RHOH: variants seen among roughly 807,000 people sequenced by gnomAD.
The protein encoded by RHOH is rho-related GTP-binding protein RhoH.
Under a neutral mutation model 13.8 loss-of-function variants are expected in RHOH, and 6 were observed. That is an observed-to-expected ratio of 0.44 (90% CI 0.24 to 0.86). The LOEUF (loss-of-function observed/expected upper bound fraction) is 0.86, where lower values mean the gene tolerates loss of function less well. Among genes scored for constraint, RHOH ranks in the 40% least tolerant of loss-of-function variants. RHOH has a pLI of 0.24. For missense variants in RHOH, 147 were observed against 244.5 expected, an observed-to-expected ratio of 0.60 and a Z score of 2.66; for synonymous variants, 117 against 103.0, an observed-to-expected ratio of 1.14 and a Z score of -0.82.
rs1728009410 is a variant in RHOH at position 40,232,046 on chromosome 4, G to A, written c.-330-10668G>A. On this transcript the variant is annotated intron_variant, in intron 1 of 2. Transcript: ENST00000381799. ...CAGGTAGCACCTTTTTCCCTTTGTT[G>A]GCACTTTATTTGTTCCTCCCTCAGA... 2.0e-5 allele frequency among the ~76,000 whole-genome samples: 3 copies of A among 152,136 alleles called. 1 individual carries two copies. The highest frequency in any genetic ancestry group is 7.2e-5 in the African/African-American group (3 of 41,408).
intron 1 of RHOH, among the ~76,000 whole-genome samples, chr4:40,219,949 T>G (rs1040160278): frequency 1.2e-4 from 19 of 152,342 alleles, no homozygotes; most frequent in Middle Eastern, 3.4e-3. Flanking sequence ...TATGTAATAA[T>G]GTAATAGCTT....
chr4:40,219,934 G>C (rs1726344083), intron 1 of RHOH, among the ~76,000 whole-genome samples: 2 of 152,204 alleles, frequency 1.3e-5, no homozygotes, highest in South Asian at 4.1e-4. Context: ...TACAGCATGT[G>C]AATTTATGTA....
At chr4:40,230,538 A>G (rs941740981) in intron 1 of RHOH, among the ~76,000 whole-genome samples, 3 of 149,038 alleles carry the variant, frequency 2.0e-5, no homozygotes, top group African/African-American at 4.9e-5. Context: ...GGGTTTCGCC[A>G]TGTTGCGGCT....
At chr4:40,241,615 C>T (rs928376515) in intron 1 of RHOH, among the ~76,000 whole-genome samples, 2 of 152,096 alleles carry the variant, frequency 1.3e-5, no homozygotes, top group Admixed American at 6.6e-5. Flanking sequence ...GGCAGCCGGA[C>T]GCGGTGGCTC....
At chr4:40,219,773 A>G (rs1405983456) in intron 1 of RHOH, among the ~76,000 whole-genome samples, 1 of 152,212 alleles carries the variant, frequency 6.6e-6, no homozygotes, top group Non-Finnish European at 1.5e-5. Context: ...CCAGGGCAGG[A>G]AAGCTTGCAG....
intron 1 of RHOH, among the ~76,000 whole-genome samples, chr4:40,214,742 C>T (rs1027933111): frequency 2.6e-5 from 4 of 152,194 alleles, no homozygotes; most frequent in African/African-American, 9.6e-5. Flanking sequence ...GGCTAATGGA[C>T]TTCCCCAGTT....
chr4:40,220,678 C>T (rs577321787), intron 1 of RHOH, among the ~76,000 whole-genome samples: 1 of 152,222 alleles, frequency 6.6e-6, no homozygotes, highest in East Asian at 1.9e-4. Flanking sequence ...TATCTTCTGC[C>T]CCATTAGGCT....
At chr4:40,199,492 T>C (rs1723681458) in intron 1 of RHOH, among the ~76,000 whole-genome samples, 1 of 152,308 alleles carries the variant, frequency 6.6e-6, no homozygotes, top group East Asian at 1.9e-4. Context: ...GAAAACAAAC[T>C]TGGAAACCGC....
intron 1 of RHOH, among the ~76,000 whole-genome samples, chr4:40,200,790 C>CA (rs768348681): frequency 6.6e-6 from 1 of 152,188 alleles, no homozygotes; most frequent in Non-Finnish European, 1.5e-5. Flanking sequence ...GTGTTGTATA[C>CA]ATGTAGAAGC....
chr4:40,195,818 T>A (rs569605171), upstream of RHOH, among the ~76,000 whole-genome samples: 1 of 152,332 alleles, frequency 6.6e-6, no homozygotes, highest in Non-Finnish European at 1.5e-5. Context: ...GCTGGCAGAT[T>A]GAGTTCTTAC....
In RHOH at chr4:40,219,355, T is replaced by C. The variant is rs1245740051; in HGVS notation, c.-331+22055T>C. Among the ~76,000 whole-genome samples, 6 of 144,092 alleles carry C rather than the reference T, an allele frequency of 4.2e-5. No homozygotes were observed. In the East Asian group the frequency reaches 8.1e-4, roughly 20 times the overall value. 94.5% of individuals were successfully genotyped at this position (144,092 alleles called of 152,430 possible). A position where few individuals can be genotyped will look rare whatever the true frequency, so the allele number is the denominator to read the frequency against. The stretch of plus-strand genomic sequence containing the variant: ...TGAACCCAGGAGGCGGAGGTTGCAG[T>C]GAGCCGAGATCGCACCACTGCACTC... On this transcript the variant is annotated intron_variant, in intron 1 of 2. Coordinates refer to ENST00000381799, the MANE Select transcript of RHOH (RefSeq NM_004310.5).
At position 40,246,669 on chromosome 4, in the gene RHOH, A is replaced by G. The variant is rs1433883175; in HGVS notation, c.*2707A>G. The G allele has an allele frequency of 1.3e-5, 2 of 152,292 alleles. No individual in the cohort carries two copies. The highest frequency in any genetic ancestry group is 2.9e-5 in the Non-Finnish European group (2 of 68,116). 9.4% of individuals were successfully genotyped at this position (152,292 alleles called of 1,614,324 possible). A position where few individuals can be genotyped will look rare whatever the true frequency, so the allele number is the denominator to read the frequency against. ...AGGCAATGGAGGTAAAGTTGTGTTA[A>G]ACTGAAATGGAGAGAAAGACAGTAA... On this transcript the variant is annotated 3_prime_UTR_variant, in exon 3 of 3. Transcript: ENST00000381799.
intron 1 of RHOH, among the ~76,000 whole-genome samples, chr4:40,207,247 C>T (rs1462854034): frequency 6.6e-6 from 1 of 151,468 alleles, no homozygotes. Flanking sequence ...TTTTCCTCCA[C>T]GATGTGCAAA....
At chr4:40,223,625 T>C (rs189134540) in intron 1 of RHOH, among the ~76,000 whole-genome samples, 36 of 151,882 alleles carry the variant, frequency 2.4e-4, no homozygotes, top group African/African-American at 8.7e-4. Flanking sequence ...TTACCATACC[T>C]GGCTAATTAA....
chr4:40,222,769 G>A (rs1009057862), intron 1 of RHOH, among the ~76,000 whole-genome samples: 4 of 152,218 alleles, frequency 2.6e-5, no homozygotes, highest in Admixed American at 1.3e-4. Context: ...AATACATTTT[G>A]TAAGGCTATA....
At chr4:40,231,803 G>A (rs1727979687) in intron 1 of RHOH, among the ~76,000 whole-genome samples, 2 of 152,296 alleles carry the variant, frequency 1.3e-5, no homozygotes, top group South Asian at 2.1e-4. Flanking sequence ...AGCCTAACCT[G>A]CCACAAGAAT....
chr4:40,198,679 G>T (rs1481040275), intron 1 of RHOH, among the ~76,000 whole-genome samples: 1 of 152,148 alleles, frequency 6.6e-6, no homozygotes, highest in African/African-American at 2.4e-5. Context: ...GTACCAGTAA[G>T]ACCTCCACCT....
chr4:40,213,617 G>C (rs552050073), intron 1 of RHOH, among the ~76,000 whole-genome samples: 1 of 152,078 alleles, frequency 6.6e-6, no homozygotes, highest in Non-Finnish European at 1.5e-5. Flanking sequence ...AATCGCTCTG[G>C]TGAGAGAGGA....
At chr4:40,225,080 A>G (rs1727059354) in intron 1 of RHOH, among the ~76,000 whole-genome samples, 1 of 152,028 alleles carries the variant, frequency 6.6e-6, no homozygotes, top group African/African-American at 2.4e-5. Context: ...AACTAATTAA[A>G]AGAACTTTTT....
Sources: gnomAD v4.1 joint callset for allele counts (sites outside exome capture counted in the v4.1 genomes callset) on GRCh38, gnomAD v4.1.1 for gene constraint, MANE v1.5 for transcripts, NCBI Gene and HGNC (gene_info 2026-07-23, HGNC 2026-07-21) for gene names.